Variants in ROBO2 observed in about 807,000 individuals in gnomAD.
The protein encoded by ROBO2 is roundabout guidance receptor 2, also known as roundabout homolog 2.
A neutral mutation model predicts 160.8 loss-of-function variants in ROBO2; 53 were observed. The ratio of observed to expected loss-of-function variants is 0.33; its 90% CI spans 0.26 to 0.41. The LOEUF (loss-of-function observed/expected upper bound fraction) is 0.41, where lower values mean the gene tolerates loss of function less well. ROBO2 is among the 10% of genes least tolerant of loss of function. The pLI is 1.00. For missense variants in ROBO2, 1,577 were observed against 1,722.4 expected (o/e 0.92, Z 1.49); for synonymous variants, 664 against 611.7 (o/e 1.09, Z -1.26).
chr3:76,390,669 C>G (rs2077106305), intron 2 of ROBO2, among the ~76,000 whole-genome samples: 1 of 152,170 alleles, frequency 6.6e-6, no homozygotes, highest in Non-Finnish European at 1.5e-5. Context: ...TTCTCTTTGG[C>G]TTTCTACTCC....
At chr3:76,154,099 T>A (rs1055769744) in intron 2 of ROBO2, among the ~76,000 whole-genome samples, 4 of 152,088 alleles carry the variant, frequency 2.6e-5, no homozygotes, top group African/African-American at 9.7e-5. Flanking sequence ...CAAAAGGAGA[T>A]AATATGAAAT....
chr3:76,887,131 A>C (rs1199670703), intron 2 of ROBO2, among the ~76,000 whole-genome samples: 1 of 127,612 alleles, frequency 7.8e-6, no homozygotes, highest in African/African-American at 3.0e-5. Flanking sequence ...TATTGTATTT[A>C]TTTTATTTTG....
Position 77,339,649 on chromosome 3 carries a change from A to T in ROBO2, c.389-137765A>T, listed in dbSNP as rs187892321. ...AGCCTTTTAAAATCATATCATTTTC[A>T]GATCTCCAAAAAGCCATTATTATCA... is the stretch of plus-strand genomic sequence containing the variant. On this transcript the variant is annotated intron_variant, in intron 2 of 25. Transcript: ENST00000461745. Among the ~76,000 whole-genome samples, 13 of 152,170 alleles carry T rather than the reference A, an allele frequency of 8.5e-5. No homozygotes were observed. The East Asian group carries it at 1.9e-3, about 23-fold the overall frequency.
intron 2 of ROBO2, among the ~76,000 whole-genome samples, chr3:77,382,980 G>T: frequency 6.6e-6 from 1 of 152,088 alleles, no homozygotes; most frequent in Non-Finnish European, 1.5e-5. Context: ...ACTTAAAATT[G>T]ATGTTGAATT....
intron 2 of ROBO2, among the ~76,000 whole-genome samples, chr3:76,240,569 C>A (rs1705223956): frequency 2.0e-5 from 3 of 152,088 alleles, no homozygotes; most frequent in Admixed American, 2.0e-4. Flanking sequence ...CTAGAATAAT[C>A]TAAGTGCTAT....
chr3:76,493,668 C>T (rs1420112733), intron 2 of ROBO2, among the ~76,000 whole-genome samples: 1 of 151,974 alleles, frequency 6.6e-6, no homozygotes, highest in East Asian at 1.9e-4. Flanking sequence ...CCATCTCTTT[C>T]CATTTACTAT....
intron 20 of ROBO2, chr3:77,603,148 C>G: frequency 2.3e-6 from 1 of 443,792 alleles, no homozygotes; most frequent in South Asian, 1.6e-5. Context: ...TACTGAATCA[C>G]AGCTCACTGT....
intron 2 of ROBO2, among the ~76,000 whole-genome samples, chr3:76,986,959 G>C (rs572673792): frequency 6.6e-6 from 1 of 152,164 alleles, no homozygotes; most frequent in South Asian, 2.1e-4. Flanking sequence ...TAACTAAAAT[G>C]AACGTGACAT....
chr3:75,997,260 G>A (rs915994300), intron 2 of ROBO2, among the ~76,000 whole-genome samples: 10 of 152,044 alleles, frequency 6.6e-5, no homozygotes, highest in East Asian at 1.9e-4. Context: ...GGTACAGTTC[G>A]AAAATATCAA....
intron 2 of ROBO2, among the ~76,000 whole-genome samples, chr3:76,324,411 C>G (rs1297178325): frequency 6.6e-6 from 1 of 152,164 alleles, no homozygotes; most frequent in African/African-American, 2.4e-5. Flanking sequence ...TGTACAGCTA[C>G]TGATTTAGGG....
intron 2 of ROBO2, among the ~76,000 whole-genome samples, chr3:76,924,705 C>T (rs1359001217): frequency 1.3e-5 from 2 of 152,162 alleles, no homozygotes; most frequent in African/African-American, 2.4e-5. Context: ...AGCAGGCATT[C>T]GTGTAGTTCT....
chr3:77,117,979 T>G (rs1242573537), intron 2 of ROBO2, among the ~76,000 whole-genome samples: 1 of 152,206 alleles, frequency 6.6e-6, no homozygotes, highest in Non-Finnish European at 1.5e-5. Context: ...TTGAGCTCTT[T>G]GACATTGCAG....
intron 2 of ROBO2, among the ~76,000 whole-genome samples, chr3:76,528,970 T>C (rs954114902): frequency 3.3e-5 from 5 of 152,062 alleles, no homozygotes; most frequent in African/African-American, 9.7e-5. Context: ...GTGGGAGAAT[T>C]AGCAGTGAAT....
At chr3:77,131,528 T>C (rs1452485955) in intron 2 of ROBO2, among the ~76,000 whole-genome samples, 1 of 152,052 alleles carries the variant, frequency 6.6e-6, no homozygotes, top group Non-Finnish European at 1.5e-5. Flanking sequence ...CAAACAAAAA[T>C]CAATAGTAAA....
intron 2 of ROBO2, among the ~76,000 whole-genome samples, chr3:76,302,547 C>T (rs1709414772): frequency 6.6e-6 from 1 of 152,098 alleles, no homozygotes; most frequent in African/African-American, 2.4e-5. Flanking sequence ...ACGTTTTGGT[C>T]AGTGATAGAT....
chr3:77,176,892 A>G (rs1303043806), intron 2 of ROBO2, among the ~76,000 whole-genome samples: 1 of 152,006 alleles, frequency 6.6e-6, no homozygotes, highest in Non-Finnish European at 1.5e-5. Flanking sequence ...AAACAAAAAT[A>G]TAAATTTGAT....
chr3:76,326,207 T>C (rs1299709746), intron 2 of ROBO2, among the ~76,000 whole-genome samples: 2 of 152,144 alleles, frequency 1.3e-5, no homozygotes, highest in Admixed American at 1.3e-4. Context: ...TTAATTTATC[T>C]TCCACTTAAA....
intron 2 of ROBO2, among the ~76,000 whole-genome samples, chr3:76,641,373 T>C (rs1250612129): frequency 6.6e-6 from 1 of 152,196 alleles, no homozygotes; most frequent in South Asian, 2.1e-4. Context: ...GATATTGTTA[T>C]CAACAATACA....
At chr3:76,626,928 G>A (rs2089685828) in intron 2 of ROBO2, among the ~76,000 whole-genome samples, 1 of 152,058 alleles carries the variant, frequency 6.6e-6, no homozygotes, top group South Asian at 2.1e-4. Flanking sequence ...CTGACCTTGT[G>A]GTCCGCCCGC....
Sources: allele counts gnomAD v4.1 joint callset (sites outside exome capture counted in the v4.1 genomes callset), GRCh38; gene constraint gnomAD v4.1.1; transcripts MANE v1.5; gene names NCBI Gene and HGNC (gene_info 2026-07-23, HGNC 2026-07-21).